Variants in DCLK1 observed in about 807,000 individuals in gnomAD.
DCLK1 encodes doublecortin like kinase 1.
In DCLK1, 16 loss-of-function variants were observed where a neutral mutation model predicts 86.2. The observed-to-expected ratio is 0.19, with a 90% confidence interval of 0.13 to 0.28. The LOEUF is 0.28. Among genes scored for constraint, DCLK1 ranks in the 10% least tolerant of loss-of-function variants. The pLI, the probability that DCLK1 is intolerant of heterozygous loss-of-function variation, is 1.00. For synonymous variants in DCLK1, 369 were observed against 370.5 expected (o/e 1.00, Z 0.05); for missense variants, 590 against 940.2 (o/e 0.63, Z 4.87).
intron 3 of DCLK1, among the ~76,000 whole-genome samples, chr13:36,010,388 G>GA (rs1385890640): frequency 1.0e-5 from 1 of 98,620 alleles, no homozygotes; most frequent in African/African-American, 4.0e-5. Context: ...TTATTATTTT[G>GA]AAATACGTCC....
chr13:35,928,885 T>G (rs968292899), intron 4 of DCLK1, among the ~76,000 whole-genome samples: 3 of 152,222 alleles, frequency 2.0e-5, no homozygotes, highest in Non-Finnish European at 4.4e-5. Flanking sequence ...CCATAGCATA[T>G]GGTGACATTT....
At chr13:35,961,355 A>G (rs1878450969) in intron 3 of DCLK1, among the ~76,000 whole-genome samples, 1 of 152,174 alleles carries the variant, frequency 6.6e-6, no homozygotes, top group Admixed American at 6.5e-5. Flanking sequence ...ACTACCATGG[A>G]AGAGAGAGCA....
intron 3 of DCLK1, among the ~76,000 whole-genome samples, chr13:35,978,203 C>CTTTTTTTTTTTTTTTTTT (rs11311688): frequency 2.4e-5 from 2 of 82,758 alleles, no homozygotes; most frequent in African/African-American, 4.9e-5. Flanking sequence ...CTTTTCTTTT[C>CTTTTTTTTTTTTTTTTTT]TTTTTTTTTT....
rs764087183 is a variant in DCLK1 at position 35,947,434 on chromosome 13, A to G, written c.747T>C (p.Phe249=). The change falls in exon 4 of 17, where the codon TTT becomes TTC. Residue 249 remains phenylalanine, a synonymous_variant. Coordinates refer to ENST00000360631, the MANE Select transcript of DCLK1 (RefSeq NM_001330071.2). The stretch of plus-strand genomic sequence containing the variant: ...ATGCAATAAAAATGTCATCATCACC[A>G]AAAAAGTCCTGAAGGCACATCACCT... ...GKQVMCLQDF[F]GDDDIFIACG... is the part of the protein sequence containing the mutation. 2 of 1,613,420 alleles carry G rather than the reference A, an allele frequency of 1.2e-6. No homozygotes were observed. The highest frequency in any genetic ancestry group is 2.2e-5 in the South Asian group (2 of 91,006).
At chr13:36,097,240 G>A (rs1228561508) in intron 3 of DCLK1, among the ~76,000 whole-genome samples, 1 of 152,210 alleles carries the variant, frequency 6.6e-6, no homozygotes, top group Non-Finnish European at 1.5e-5. Flanking sequence ...CAGATTGACT[G>A]CAAATGCAGA....
At chr13:36,121,508 C>T (rs965568767) in intron 2 of DCLK1, among the ~76,000 whole-genome samples, 1 of 152,136 alleles carries the variant, frequency 6.6e-6, no homozygotes, top group Non-Finnish European at 1.5e-5. Context: ...TTGAGAGAGA[C>T]GCCACATTCA....
intron 6 of DCLK1, chr13:35,850,288 C>T (rs955485701): frequency 5.1e-6 from 5 of 984,862 alleles, no homozygotes; most frequent in Non-Finnish European, 6.0e-6. Flanking sequence ...AATATGCCTG[C>T]TAGTGCCGTT....
At chr13:36,006,848 G>A (rs1012684175) in intron 3 of DCLK1, among the ~76,000 whole-genome samples, 2 of 152,182 alleles carry the variant, frequency 1.3e-5, no homozygotes, top group Non-Finnish European at 2.9e-5. Context: ...CATCTGTAAG[G>A]TGGACTATGA....
At chr13:35,849,000 T>C (rs1870411473) in intron 6 of DCLK1, 2 of 985,114 alleles carry the variant, frequency 2.0e-6, no homozygotes, top group African/African-American at 1.7e-5. Context: ...GAACAGGTAT[T>C]ATTATGAACT....
intron 9 of DCLK1, 80 bp downstream of exon 9, chr13:35,828,170 G>A (rs1219065630): frequency 2.5e-6 from 3 of 1,191,922 alleles, no homozygotes; most frequent in African/African-American, 1.5e-5. Flanking sequence ...GGGTGAACTT[G>A]TATTTGTTTG....
intron 3 of DCLK1, among the ~76,000 whole-genome samples, chr13:35,984,571 G>A (rs1879809708): frequency 6.6e-6 from 1 of 152,212 alleles, no homozygotes; most frequent in African/African-American, 2.4e-5. Context: ...TGAACCGTCT[G>A]CCTCTGCTCG....
chr13:35,793,814 G>A (rs2086751944), intron 15 of DCLK1, among the ~76,000 whole-genome samples: 1 of 151,896 alleles, frequency 6.6e-6, no homozygotes, highest in African/African-American at 2.4e-5. Flanking sequence ...TAATCTAGAT[G>A]ACCAGAAAAA....
chr13:36,131,047 G>C (rs1036671973), intron 1 of DCLK1, 67 bp downstream of exon 1: 1 of 149,998 alleles, frequency 6.7e-6, no homozygotes, highest in Non-Finnish European at 1.5e-5. Context: ...CGGGCGGAGC[G>C]GGCTCTGCGG....
intron 6 of DCLK1, 27 bp downstream of exon 6, chr13:35,854,471 GA>G: frequency 6.4e-7 from 1 of 1,571,328 alleles, no homozygotes. Context: ...AGACAGGTCT[GA>G]AACAAGCAGC....
chr13:35,912,923 C>A (rs1034131858), intron 4 of DCLK1, among the ~76,000 whole-genome samples: 1 of 152,164 alleles, frequency 6.6e-6, no homozygotes, highest in Admixed American at 6.5e-5. Flanking sequence ...GCTGAGGGGC[C>A]TACAGAGAGT....
intron 15 of DCLK1, among the ~76,000 whole-genome samples, chr13:35,804,197 C>T (rs1191188568): frequency 5.3e-5 from 8 of 152,230 alleles, no homozygotes; most frequent in Non-Finnish European, 1.2e-4. Context: ...GTGGTGCAAT[C>T]TCCACTCATT....
chr13:35,956,676 G>A (rs544102528), intron 3 of DCLK1, among the ~76,000 whole-genome samples: 3 of 152,394 alleles, frequency 2.0e-5, no homozygotes, highest in African/African-American at 7.2e-5. Flanking sequence ...ACCAACCAGG[G>A]ATAGGTAGGG....
rs1275147552 is a variant in DCLK1, at chr13:36,030,222, C to T, written c.723+81647G>A. Among the ~76,000 whole-genome samples the T allele has an allele frequency of 3.3e-5, 5 of 152,224 alleles. No individual in the cohort carries two copies. The East Asian group carries it at 9.6e-4, about 29-fold the overall frequency. On this transcript the variant is annotated intron_variant, in intron 3 of 16. Transcript: ENST00000360631. The stretch of plus-strand genomic sequence containing the variant: ...AATGCACCTGTCTGAACCCCACTGT[C>T]ACTCTGTAAGAGCTCATATTCAAAC...
chr13:35,958,136 A>ACCACCACCACTGCTATAACCACC (rs1878175205), intron 3 of DCLK1, among the ~76,000 whole-genome samples: 6 of 11,286 alleles, frequency 5.3e-4, no homozygotes, highest in African/African-American at 2.3e-3. Context: ...CCACTACTAT[A>ACCACCACCACTGCTATAACCACC]ACCACCACCA....
Sources: gnomAD v4.1 joint callset for allele counts (sites outside exome capture counted in the v4.1 genomes callset) on GRCh38, gnomAD v4.1.1 for gene constraint, MANE v1.5 for transcripts, NCBI Gene and HGNC (gene_info 2026-07-23, HGNC 2026-07-21) for gene names.